Variants in ABCC1 observed in about 807,000 individuals in gnomAD.
The protein encoded by ABCC1 is ATP binding cassette subfamily C member 1 (ABCC1 blood group).
Under a neutral mutation model 172.9 loss-of-function variants are expected in ABCC1, and 83 were observed. That is an observed-to-expected ratio of 0.48 (90% CI 0.40 to 0.58). The LOEUF is 0.58. ABCC1 is among the 20% of genes least tolerant of loss of function. The pLI, the probability that ABCC1 is intolerant of heterozygous loss-of-function variation, is 0.00. For missense variants in ABCC1, 1,817 were observed against 2,002.7 expected, an observed-to-expected ratio of 0.91 and a Z score of 1.77; for synonymous variants, 937 against 825.2, an observed-to-expected ratio of 1.14 and a Z score of -2.32.
chr16:15,967,500 A>T (rs215093), intron 1 of ABCC1, among the ~76,000 whole-genome samples: 129,803 of 151,482 alleles, frequency 0.86, 55,883 homozygotes, highest in African/African-American at 0.91. Context: ...CCCAGCACTT[A>T]GTGATGCTGA....
chr16:16,016,032 G>A (rs1011136049), intron 4 of ABCC1, among the ~76,000 whole-genome samples: 2 of 152,108 alleles, frequency 1.3e-5, no homozygotes, highest in Admixed American at 6.6e-5. Flanking sequence ...GAGACTACCC[G>A]TGATGGAGCC....
intron 17 of ABCC1, among the ~76,000 whole-genome samples, chr16:16,085,009 G>T (rs993243946): frequency 1.3e-5 from 2 of 152,268 alleles, no homozygotes; most frequent in South Asian, 4.1e-4. Context: ...GGTGGAATTT[G>T]TTGTTATACC....
At chr16:16,081,604 C>T (rs1459622686) in intron 16 of ABCC1, among the ~76,000 whole-genome samples, 1 of 152,236 alleles carries the variant, frequency 6.6e-6, no homozygotes, top group South Asian at 2.1e-4. Flanking sequence ...CCACTGTTGA[C>T]ATTTTGGCTT....
intron 27 of ABCC1, among the ~76,000 whole-genome samples, chr16:16,132,271 CG>C (rs2045709485): frequency 6.6e-6 from 1 of 151,986 alleles, no homozygotes; most frequent in Non-Finnish European, 1.5e-5. Context: ...CCCACTGCAG[CG>C]GCAGCCTCCC....
chr16:16,048,068 C>G, intron 9 of ABCC1, 74 bp from the exon 10 acceptor site: 1 of 1,541,160 alleles, frequency 6.5e-7, no homozygotes. Flanking sequence ...TCCTTCCTCT[C>G]CGTGGGTCTG....
chr16:16,047,416 C>A (rs2049255289), intron 9 of ABCC1, among the ~76,000 whole-genome samples: 1 of 152,152 alleles, frequency 6.6e-6, no homozygotes. Context: ...CTCAGCCCAC[C>A]ACGTAGCTGG....
intron 1 of ABCC1, among the ~76,000 whole-genome samples, chr16:15,967,085 T>C (rs4781701): frequency 0.17 from 25,212 of 152,092 alleles, 2,245 homozygotes; most frequent in Non-Finnish European, 0.19. Context: ...AAAGCTGGCC[T>C]ATGTCCAGTT....
intron 7 of ABCC1, among the ~76,000 whole-genome samples, chr16:16,038,239 A>G (rs1818496982): frequency 1.3e-5 from 2 of 152,166 alleles, no homozygotes; most frequent in South Asian, 4.1e-4. Flanking sequence ...AAACTGGATC[A>G]TGTGATTATG....
intron 3 of ABCC1, 127 bp downstream of exon 3, chr16:16,010,028 A>C: frequency 4.0e-6 from 1 of 251,022 alleles, no homozygotes; most frequent in Non-Finnish European, 6.2e-6. Context: ...GATATAAATT[A>C]AATGTAGCCT....
chr16:16,016,131 T>C (rs952501775), intron 4 of ABCC1, among the ~76,000 whole-genome samples: 1 of 147,872 alleles, frequency 6.8e-6, no homozygotes, highest in Non-Finnish European at 1.5e-5. Flanking sequence ...TGCCACCTGC[T>C]CTCAGAATGT....
Position 16,083,390 on chromosome 16 carries a change from C to T in ABCC1, c.2140C>T (p.Gln714Ter), listed in dbSNP as rs2151994865. 6.2e-7 allele frequency: 1 copy of T among 1,613,768 alleles called. No individual in the cohort carries two copies. The highest frequency in any genetic ancestry group is 8.5e-7 in the Non-Finnish European group (1 of 1,180,018). ...GGGCTCCGTGGCCTATGTGCCACAG[C>T]AGGCCTGGATTCAGAATGATTCTCT... ...IKGSVAYVPQ[Q>*]AWIQNDSLRE... The change falls in exon 17 of 31, where the codon CAG (glutamine) becomes TAG (stop). Residue 714 changes from glutamine to a stop codon, truncating the protein, a stop_gained. Transcript: ENST00000399410. LOFTEE classifies it high-confidence loss of function.
intron 1 of ABCC1, among the ~76,000 whole-genome samples, chr16:15,957,246 ATTTTT>A (rs1157024430): frequency 1.6e-4 from 21 of 131,116 alleles, no homozygotes; most frequent in African/African-American, 6.0e-4. Context: ...TGCCCAGCTA[ATTTTT>A]TTTTTTTTTT....
rs757442182 is a variant in ABCC1 at position 16,007,960 on chromosome 16, A to G, written c.193A>G (p.Ile65Val). Residue 65 changes from isoleucine to valine, a missense_variant, in exon 2 of 31, where the codon ATT becomes GTT. Ile to Val is a conservative substitution (Grantham distance 29). Coordinates refer to ENST00000399410, the MANE Select transcript of ABCC1 (RefSeq NM_004996.4). ...LYLSRHDRGY[I>V]QMTPLNKTKT... ...TCTCTCCCGACATGACCGAGGCTAC[A>G]TTCAGATGACACCTCTCAACAAAAC... The G allele has an allele frequency of 1.4e-6, 2 of 1,450,154 alleles. No homozygotes were observed. The highest frequency in any genetic ancestry group is 1.8e-6 in the Non-Finnish European group (2 of 1,081,140). The allele number at this position is 1,450,154 out of a possible 1,614,324, so 89.8% of individuals were successfully genotyped here. A position where few individuals can be genotyped will look rare whatever the true frequency, so the allele number is the denominator to read the frequency against.
At chr16:16,042,904 G>C (rs1346082691) in intron 7 of ABCC1, among the ~76,000 whole-genome samples, 1 of 152,048 alleles carries the variant, frequency 6.6e-6, no homozygotes, top group African/African-American at 2.4e-5. Flanking sequence ...TGGCGCTGAG[G>C]CTGGAGTGCA....
In ABCC1 at chr16:16,115,028, C is replaced by A. The variant is rs373424724; in HGVS notation, c.3342C>A (p.Ile1114=). 9.3e-6 allele frequency: 15 copies of A among 1,614,086 alleles called. No individual in the cohort carries two copies. The Admixed American group carries it at 1.3e-4, about 14-fold the overall frequency. ...ACIVILLATP[I]AAIIIPPLGL... ...TCGTTATCCTGCTGGCCACGCCCAT[C>A]GCCGCCATCATCATCCCGCCCCTTG... The change falls in exon 23 of 31, where the codon ATC becomes ATA. Residue 1114 remains isoleucine (I), a synonymous_variant. Transcript: ENST00000399410.
chr16:16,106,549 CT>C (rs2052119356), intron 20 of ABCC1, 188 bp from the exon 21 acceptor site: 1 of 614,006 alleles, frequency 1.6e-6, no homozygotes, highest in Non-Finnish European at 2.7e-6. Context: ...CTCTGGGTAC[CT>C]ATAAACCTGG....
intron 1 of ABCC1, among the ~76,000 whole-genome samples, chr16:16,001,004 A>G (rs1228262313): frequency 1.3e-5 from 2 of 152,202 alleles, no homozygotes; most frequent in Non-Finnish European, 2.9e-5. Context: ...AATGCCTTGA[A>G]GGCAGGAACC....
At chr16:16,042,722 C>T (rs927521227) in intron 7 of ABCC1, among the ~76,000 whole-genome samples, 1 of 151,784 alleles carries the variant, frequency 6.6e-6, no homozygotes, top group African/African-American at 2.4e-5. Flanking sequence ...AAAAAAAATC[C>T]CTATAAGATA....
At chr16:16,103,373 A>AGG (rs1479899774) in intron 20 of ABCC1, among the ~76,000 whole-genome samples, 1 of 152,072 alleles carries the variant, frequency 6.6e-6, no homozygotes, top group East Asian at 1.9e-4. Flanking sequence ...TGAGGACAGG[A>AGG]GTTGAAGACC....
Sources: allele counts gnomAD v4.1 joint callset (sites outside exome capture counted in the v4.1 genomes callset), GRCh38; gene constraint gnomAD v4.1.1; transcripts MANE v1.5; gene names NCBI Gene and HGNC (gene_info 2026-07-23, HGNC 2026-07-21).